The following DCDC2 variants were observed in gnomAD, a reference collection of about 807,000 sequenced individuals.
The protein encoded by DCDC2 is doublecortin domain containing 2, also known as doublecortin domain-containing protein 2.
DCDC2 carries 40 observed loss-of-function variants against 50.2 expected under a neutral mutation model. The ratio of observed to expected loss-of-function variants is 0.80; its 90% confidence interval spans 0.62 to 1.04. DCDC2 has a LOEUF of 1.04. Among genes scored for constraint, DCDC2 ranks in the 50% least tolerant of loss-of-function variants. The probability of loss-of-function intolerance (pLI) is 0.00; values close to 1 mark genes in which losing one functional copy is unlikely to be tolerated. For synonymous variants in DCDC2, 234 were observed against 210.6 expected (o/e 1.11, Z -0.96); for missense variants, 570 against 581.9 (o/e 0.98, Z 0.21).
intron 7 of DCDC2, among the ~76,000 whole-genome samples, chr6:24,273,306 A>G (rs1763281040): frequency 6.6e-6 from 1 of 152,202 alleles, no homozygotes; most frequent in Non-Finnish European, 1.5e-5. Context: ...AGGAAGAGGT[A>G]TGAGAAATTA....
chr6:24,359,295 A>AT (rs1302237808), upstream of DCDC2, among the ~76,000 whole-genome samples: 1 of 67,626 alleles, frequency 1.5e-5, no homozygotes, highest in Non-Finnish European at 2.5e-5. Flanking sequence ...TATATTTTAT[A>AT]TTTTTTATAT....
At chr6:24,310,913 C>T (rs1224024031) in intron 2 of DCDC2, among the ~76,000 whole-genome samples, 3 of 152,122 alleles carry the variant, frequency 2.0e-5, no homozygotes, top group South Asian at 4.1e-4. Flanking sequence ...TTTTATCTGT[C>T]CCCTTCTTAC....
intron 8 of DCDC2, among the ~76,000 whole-genome samples, chr6:24,194,435 G>T (rs1581579097): frequency 1.3e-5 from 2 of 152,152 alleles, no homozygotes; most frequent in East Asian, 3.9e-4. Context: ...ACTACAAATA[G>T]GAAAAGCAAT....
chr6:24,228,015 C>T (rs7774208), intron 7 of DCDC2, among the ~76,000 whole-genome samples: 28,464 of 152,138 alleles, frequency 0.19, 3,262 homozygotes, highest in African/African-American at 0.32. Flanking sequence ...GCAGTTTGTG[C>T]AAAATTACTC....
intron 2 of DCDC2, among the ~76,000 whole-genome samples, chr6:24,320,315 T>TTTTG (rs142596714): frequency 4.8e-4 from 73 of 152,134 alleles, no homozygotes; most frequent in African/African-American, 1.7e-3. Context: ...ATTTTTTGGT[T>TTTTG]TTTGTTTGTT....
At chr6:24,187,508 A>T (rs1761230290) in intron 8 of DCDC2, among the ~76,000 whole-genome samples, 2 of 152,184 alleles carry the variant, frequency 1.3e-5, no homozygotes, top group African/African-American at 4.8e-5. Flanking sequence ...CTGTGCAGTT[A>T]TTCTCTATTT....
intron 2 of DCDC2, among the ~76,000 whole-genome samples, chr6:24,318,592 C>T (rs1230402853): frequency 1.3e-5 from 2 of 152,024 alleles, no homozygotes; most frequent in Non-Finnish European, 2.9e-5. Context: ...GTCTATCATT[C>T]CACATTCTAT....
At chr6:24,256,173 G>C (rs1052403056) in intron 7 of DCDC2, among the ~76,000 whole-genome samples, 54 of 151,872 alleles carry the variant, frequency 3.6e-4, no homozygotes, top group African/African-American at 1.3e-3. Flanking sequence ...TTTAAAACAA[G>C]AAAAACTAGT....
chr6:24,359,418 AT>A (rs1760609655), upstream of DCDC2, among the ~76,000 whole-genome samples: 2 of 65,744 alleles, frequency 3.0e-5, 1 homozygote, highest in East Asian at 1.5e-3. Context: ...TATATTATAT[AT>A]TATATATATT....
At chr6:24,232,222 C>T (rs570389491) in intron 7 of DCDC2, among the ~76,000 whole-genome samples, 4 of 152,256 alleles carry the variant, frequency 2.6e-5, no homozygotes, top group Non-Finnish European at 4.4e-5. Flanking sequence ...ATAAAATTGA[C>T]GTACATCTCA....
chr6:24,292,253 A>G (rs1763767939), intron 4 of DCDC2, among the ~76,000 whole-genome samples: 1 of 152,168 alleles, frequency 6.6e-6, no homozygotes, highest in Non-Finnish European at 1.5e-5. Context: ...TATAAGCAAG[A>G]GCTATTAATA....
upstream of DCDC2, among the ~76,000 whole-genome samples, chr6:24,361,792 C>T (rs1026057555): frequency 6.6e-6 from 1 of 152,306 alleles, no homozygotes; most frequent in Admixed American, 6.5e-5. Flanking sequence ...GGGACCCTGA[C>T]GCCAGCCCAT....
chr6:24,268,751 T>C (rs1181325167), intron 7 of DCDC2, among the ~76,000 whole-genome samples: 1 of 152,094 alleles, frequency 6.6e-6, no homozygotes, highest in Non-Finnish European at 1.5e-5. Context: ...TTTGTATTTT[T>C]AGTAGAGACA....
intron 7 of DCDC2, among the ~76,000 whole-genome samples, chr6:24,268,576 A>G (rs1232865582): frequency 3.3e-5 from 5 of 152,138 alleles, no homozygotes; most frequent in African/African-American, 1.2e-4. Context: ...CCTGGGTAAG[A>G]GCCTTCAGCT....
At chr6:24,180,310 A>C (rs1761041639) in intron 8 of DCDC2, among the ~76,000 whole-genome samples, 1 of 151,872 alleles carries the variant, frequency 6.6e-6, no homozygotes, top group African/African-American at 2.4e-5. Context: ...TTTGAGACAG[A>C]GTCTTGCTCT....
At chr6:24,192,175 T>A (rs1309366091) in intron 8 of DCDC2, among the ~76,000 whole-genome samples, 1 of 152,208 alleles carries the variant, frequency 6.6e-6, no homozygotes. Flanking sequence ...GGGACTATAC[T>A]GAAACAGAGA....
Position 24,309,455 on chromosome 6 carries a change from G to A in DCDC2, c.349-7411C>T, listed in dbSNP as rs563640608. Among the ~76,000 whole-genome samples the A allele has an allele frequency of 2.0e-5, 3 of 152,064 alleles. No individual in the cohort carries two copies. The South Asian group carries it at 6.2e-4, about 32-fold the overall frequency. On this transcript the variant is annotated intron_variant, in intron 2 of 9. Coordinates refer to ENST00000378454, the MANE Select transcript of DCDC2 (RefSeq NM_016356.5). ...ACAAAGGTACCATTAAAGATAAATG[G>A]AATTACACTGTTGTACAGAACTGGC...
rs535660775 is a variant in DCDC2, at chr6:24,277,190, G to C, written c.922+859C>G. ...AATAAGCTGGAGCTCCCAGGTGGAA[G>C]GTAAGGCTTTGCCCATTAATCTGAA... is the stretch of plus-strand genomic sequence containing the variant. On this transcript the variant is annotated intron_variant, in intron 7 of 9. Coordinates refer to ENST00000378454, the MANE Select transcript of DCDC2 (RefSeq NM_016356.5). 2.6e-5 allele frequency among the ~76,000 whole-genome samples: 4 copies of C among 151,928 alleles called. 1 individual carries two copies. In the South Asian group the frequency reaches 8.3e-4, roughly 32 times the overall value.
intron 7 of DCDC2, among the ~76,000 whole-genome samples, chr6:24,239,834 G>C (rs1260283892): frequency 6.6e-6 from 1 of 152,130 alleles, no homozygotes; most frequent in African/African-American, 2.4e-5. Flanking sequence ...TCGAGTTTTT[G>C]ACGTCTCTGG....
Sources: gnomAD v4.1 joint callset for allele counts (sites outside exome capture counted in the v4.1 genomes callset) on GRCh38, gnomAD v4.1.1 for gene constraint, MANE v1.5 for transcripts, NCBI Gene and HGNC (gene_info 2026-07-23, HGNC 2026-07-21) for gene names.